The following E2F6 variants were observed in gnomAD, a reference collection of about 807,000 sequenced individuals.
The protein encoded by E2F6 is E2F transcription factor 6.
Under a neutral mutation model 31.5 loss-of-function variants are expected in E2F6, and 19 were observed. That is an observed-to-expected ratio of 0.60 (90% CI 0.42 to 0.89). The LOEUF (loss-of-function observed/expected upper bound fraction) is 0.89, where lower values mean the gene tolerates loss of function less well. Ranked by LOEUF, E2F6 falls within the 40% of genes least tolerant of loss-of-function variation. The pLI, the probability that E2F6 is intolerant of heterozygous loss-of-function variation, is 0.00. For missense variants in E2F6, 269 were observed against 341.6 expected, an observed-to-expected ratio of 0.79 and a Z score of 1.67; for synonymous variants, 121 against 127.7, an observed-to-expected ratio of 0.95 and a Z score of 0.36.
intron 4 of E2F6, chr2:11,451,435 C>T (rs1298245621): frequency 3.3e-5 from 11 of 336,480 alleles, no homozygotes; most frequent in Middle Eastern, 8.1e-4. Context: ...ACAGCAACCT[C>T]GGCCTCCCAG....
At position 11,447,557 on chromosome 2, in the gene E2F6, G is replaced by C. The variant is rs562290379; in HGVS notation, c.799+70C>G. On this transcript the variant is annotated intron_variant, in intron 6 of 6. Coordinates refer to ENST00000381525, the MANE Select transcript of E2F6 (RefSeq NM_198256.4). ...GCTAGGAAGAGTAAAAATATCTTAAGGCCATAATACACATTAATAAAATTA... is the reference window on the plus strand; with the variant it reads ...GCTAGGAAGAGTAAAAATATCTTAACGCCATAATACACATTAATAAAATTA... The C allele has an allele frequency of 9.3e-6, 14 of 1,511,130 alleles. No individual in the cohort carries two copies. The South Asian group carries it at 1.7e-4, about 19-fold the overall frequency. The allele number at this position is 1,511,130 out of a possible 1,614,324, so 93.6% of individuals were successfully genotyped here. A position where few individuals can be genotyped will look rare whatever the true frequency, so the allele number is the denominator to read the frequency against.
chr2:11,460,652 C>T (rs773291775), intron 1 of E2F6, among the ~76,000 whole-genome samples: 55 of 152,128 alleles, frequency 3.6e-4, no homozygotes, highest in Non-Finnish European at 4.9e-4. Flanking sequence ...CGTCATTAGG[C>T]GATTTTGTTG....
rs374172428 is a variant in E2F6 at position 11,465,098 on chromosome 2, A to C, written c.108+674T>G. On this transcript the variant is annotated intron_variant, in intron 1 of 6. Coordinates refer to ENST00000381525, the MANE Select transcript of E2F6 (RefSeq NM_198256.4). ...GAGGCTGAAGCAGGAGAATCTCTTG[A>C]ACCTGGGAGGTGGGGGTTGCAGTGA... 6.7e-5 allele frequency among the ~76,000 whole-genome samples: 10 copies of C among 149,190 alleles called. No individual in the cohort carries two copies. The East Asian group carries it at 1.4e-3, about 21-fold the overall frequency.
Position 11,457,129 on chromosome 2 carries a change from T to C in E2F6, c.163+50A>G, listed in dbSNP as rs768690858. 15 of 1,298,812 alleles carry C rather than the reference T, an allele frequency of 1.2e-5. No homozygotes were observed. In the Admixed American group the frequency reaches 2.6e-4, roughly 22 times the overall value. The allele number at this position is 1,298,812 out of a possible 1,614,324, so 80.5% of individuals were successfully genotyped here. On this transcript the variant is annotated intron_variant, in intron 2 of 6. Coordinates refer to ENST00000381525, the MANE Select transcript of E2F6 (RefSeq NM_198256.4). ...ACACTTAAACAAATCATTTTAATCA[T>C]AAGAAGTTCAAACTAACAAAACCTA... is the stretch of plus-strand genomic sequence containing the variant.
At chr2:11,454,609 G>T (rs1290996746) in intron 2 of E2F6, among the ~76,000 whole-genome samples, 1 of 151,890 alleles carries the variant, frequency 6.6e-6, no homozygotes, top group Admixed American at 6.6e-5. Context: ...TCAGCCTCCC[G>T]AAGTACTGGG....
intron 1 of E2F6, among the ~76,000 whole-genome samples, chr2:11,459,479 C>T (rs895696747): frequency 1.3e-5 from 2 of 152,150 alleles, no homozygotes; most frequent in Non-Finnish European, 2.9e-5. Context: ...TCTCCAAGAG[C>T]ATTCATTTGT....
chr2:11,465,723 G>C, intron 1 of E2F6, 49 bp downstream of exon 1: 6 of 1,540,826 alleles, frequency 3.9e-6, no homozygotes, highest in Non-Finnish European at 5.3e-6. Context: ...GGAGGAGGGG[G>C]CCGGATTTGG....
At chr2:11,458,341 T>G (rs1671542889) in intron 1 of E2F6, 3 of 1,551,722 alleles carry the variant, frequency 1.9e-6, no homozygotes, top group Non-Finnish European at 2.6e-6. Context: ...CAGATTTGCC[T>G]GAATAAACAA....
chr2:11,446,564 C>G lies in E2F6; in HGVS notation c.800-41G>C, dbSNP rs757781629. 5.2e-5 allele frequency: 81 copies of G among 1,565,470 alleles called. No individual in the cohort carries two copies. The South Asian group carries it at 9.1e-4, about 18-fold the overall frequency. ...AGAGAGAAATACACCTAAGTGAATACACCTAAGTGAAGGTCTGATAGGCAA... is the reference window on the plus strand; with the variant it reads ...AGAGAGAAATACACCTAAGTGAATAGACCTAAGTGAAGGTCTGATAGGCAA... On this transcript the variant is annotated intron_variant, in intron 6 of 6. Transcript: ENST00000381525.
At chr2:11,462,221 G>A (rs1178998817) in intron 1 of E2F6, among the ~76,000 whole-genome samples, 1 of 152,120 alleles carries the variant, frequency 6.6e-6, no homozygotes, top group Non-Finnish European at 1.5e-5. Flanking sequence ...ATTCAATTCT[G>A]GATATAGAGT....
In E2F6 at chr2:11,451,758, T is replaced by C. The variant is rs1350214389; in HGVS notation, c.429A>G (p.Leu143=). 2 of 1,608,990 alleles carry C rather than the reference T, an allele frequency of 1.2e-6. No homozygotes were observed. The highest frequency in any genetic ancestry group is 2.2e-5 in the East Asian group (1 of 44,812). ...CTGATAAGTCAGAAAGTTCCTCCTG[T>C]AGCTTCTTTTGTTGGGGAACTGCTC... The part of the protein sequence containing the change: ...NFGAVPQQKK[L]QEELSDLSAM... The change falls in exon 4 of 7, where the codon CTA becomes CTG. Residue 143 remains leucine, a synonymous_variant. Coordinates refer to ENST00000381525, the MANE Select transcript of E2F6 (RefSeq NM_198256.4).
chr2:11,451,906 G>A, intron 3 of E2F6, 100 bp from the exon 4 acceptor site: 1 of 1,173,606 alleles, frequency 8.5e-7, no homozygotes, highest in Non-Finnish European at 1.2e-6. Context: ...TGCCATAAGT[G>A]TTTTCCACAA....
intron 1 of E2F6, among the ~76,000 whole-genome samples, chr2:11,457,597 T>C (rs932492237): frequency 6.6e-6 from 1 of 152,162 alleles, no homozygotes; most frequent in Non-Finnish European, 1.5e-5. Context: ...CACTCCAGCC[T>C]GGGCAACACA....
At chr2:11,464,893 T>C (rs1033161939) in intron 1 of E2F6, among the ~76,000 whole-genome samples, 20 of 151,946 alleles carry the variant, frequency 1.3e-4, no homozygotes, top group Admixed American at 2.0e-4. Context: ...TAATTACTAC[T>C]AGTTATAGAA....
intron 5 of E2F6, among the ~76,000 whole-genome samples, chr2:11,448,145 A>C (rs1403029842): frequency 6.6e-6 from 1 of 152,226 alleles, no homozygotes; most frequent in Non-Finnish European, 1.5e-5. Flanking sequence ...AGATAATGGA[A>C]GGGCCATTCT....
chr2:11,455,570 T>A, intron 2 of E2F6: 1 of 750,184 alleles, frequency 1.3e-6, no homozygotes, highest in Non-Finnish European at 2.0e-6. Context: ...AGATTACAAA[T>A]GAGAAATTCT....
At chr2:11,451,443 C>T in intron 4 of E2F6, 1 of 379,156 alleles carries the variant, frequency 2.6e-6, no homozygotes, top group Non-Finnish European at 4.6e-6. Flanking sequence ...CTCGGCCTCC[C>T]AGATTCAAGC....
In E2F6 at chr2:11,463,009, T is replaced by C. The variant is rs191765871; in HGVS notation, c.108+2763A>G. 3.2e-3 allele frequency among the ~76,000 whole-genome samples: 486 copies of C among 152,316 alleles called. 3 individuals are homozygous for C. Among genetic ancestry groups the C allele is most frequent in the African/African-American group, 0.011 (450 of 41,556 alleles). On this transcript the variant is annotated intron_variant, in intron 1 of 6. Transcript: ENST00000381525. ...TATAGATTTGGGAATTATGACATGG[T>C]AACTGAAAATACCAGAACTGTATGT... is the stretch of plus-strand genomic sequence containing the variant.
chr2:11,457,889 C>T (rs1299879338), intron 1 of E2F6, among the ~76,000 whole-genome samples: 2 of 152,166 alleles, frequency 1.3e-5, no homozygotes, highest in Admixed American at 6.6e-5. Context: ...ACAATGCATG[C>T]TGTGGGTAAC....
Sources: allele counts gnomAD v4.1 joint callset (sites outside exome capture counted in the v4.1 genomes callset), GRCh38; gene constraint gnomAD v4.1.1; transcripts MANE v1.5; gene names NCBI Gene and HGNC (gene_info 2026-07-23, HGNC 2026-07-21).